The following AGAP1 variants were observed in gnomAD, a reference collection of about 807,000 sequenced individuals.
AGAP1 encodes the protein ArfGAP with GTPase domain, ankyrin repeat and PH domain 1, also known as arf-GAP with GTPase, ANK repeat and PH domain-containing protein 1.
AGAP1 carries 29 observed loss-of-function variants against 105.3 expected under a neutral mutation model. The observed-to-expected ratio is 0.28, with a 90% CI of 0.21 to 0.38. The LOEUF is 0.38. Ranked by LOEUF, AGAP1 falls within the 10% of genes least tolerant of loss-of-function variation. The probability of loss-of-function intolerance (pLI) is 1.00; values close to 1 mark genes in which losing one functional copy is unlikely to be tolerated. For missense variants in AGAP1, 998 were observed against 1,165.1 expected, an observed-to-expected ratio of 0.86 and a Z score of 2.09; for synonymous variants, 509 against 485.9, an observed-to-expected ratio of 1.05 and a Z score of -0.63.
chr2:236,098,620 C>CTTTTTGTTTTTTTTTTTTTTTTTTT (rs1323650327), intron 16 of AGAP1, among the ~76,000 whole-genome samples: 1 of 115,256 alleles, frequency 8.7e-6, no homozygotes, highest in African/African-American at 3.9e-5. Flanking sequence ...TCTTTTTTTC[C>CTTTTTGTTTTTTTTTTTTTTTTTTT]TTTTTTTTTT....
At chr2:235,748,817 G>A (rs914662148) in intron 5 of AGAP1, among the ~76,000 whole-genome samples, 1 of 152,052 alleles carries the variant, frequency 6.6e-6, no homozygotes, top group Non-Finnish European at 1.5e-5. Flanking sequence ...TTTGACTGGT[G>A]GAGAAATCCT....
intron 6 of AGAP1, among the ~76,000 whole-genome samples, chr2:235,767,477 A>G (rs552042965): frequency 9.9e-5 from 15 of 151,008 alleles, no homozygotes; most frequent in Middle Eastern, 3.4e-3. Context: ...CCGTTGACCA[A>G]AGCCATGACC....
intron 16 of AGAP1, among the ~76,000 whole-genome samples, chr2:236,088,876 G>A (rs1310986496): frequency 6.6e-6 from 1 of 152,162 alleles, no homozygotes; most frequent in Non-Finnish European, 1.5e-5. Flanking sequence ...CGAGTGCTCA[G>A]TTGGTATTTC....
chr2:236,085,130 C>T (rs1259481954), intron 16 of AGAP1, among the ~76,000 whole-genome samples: 2 of 147,714 alleles, frequency 1.4e-5, no homozygotes, highest in Non-Finnish European at 3.0e-5. Flanking sequence ...GCAGGAGAAT[C>T]ACGTGAACCC....
intron 11 of AGAP1, among the ~76,000 whole-genome samples, chr2:235,916,811 A>G (rs1035484407): frequency 4.6e-5 from 7 of 152,240 alleles, no homozygotes; most frequent in African/African-American, 1.4e-4. Flanking sequence ...TTCAAATACA[A>G]TAAAGCATTG....
chr2:235,808,189 A>G (rs374155854), intron 9 of AGAP1, among the ~76,000 whole-genome samples: 1 of 152,238 alleles, frequency 6.6e-6, no homozygotes, highest in Non-Finnish European at 1.5e-5. Flanking sequence ...TTTAGAGTGC[A>G]TCCTTCTTGA....
At chr2:235,686,614 G>GAT (rs1380519556) in intron 1 of AGAP1, among the ~76,000 whole-genome samples, 13 of 37,912 alleles carry the variant, frequency 3.4e-4, no homozygotes, top group African/African-American at 5.8e-4. Context: ...TATACGTGGA[G>GAT]ATATAGATAT....
chr2:235,948,452 C>T (rs559600544), intron 12 of AGAP1, among the ~76,000 whole-genome samples: 60 of 152,286 alleles, frequency 3.9e-4, no homozygotes, highest in African/African-American at 1.4e-3. Flanking sequence ...CCCAAAGTCT[C>T]CTGGCATTAT....
chr2:235,795,274 G>C (rs1437333898), intron 6 of AGAP1, among the ~76,000 whole-genome samples: 2 of 152,180 alleles, frequency 1.3e-5, no homozygotes, highest in Admixed American at 1.3e-4. Flanking sequence ...AATTCATTTA[G>C]GGATGTCTTT....
chr2:236,064,647 A>C (rs976878730), intron 16 of AGAP1, among the ~76,000 whole-genome samples: 2 of 152,142 alleles, frequency 1.3e-5, no homozygotes, highest in Non-Finnish European at 2.9e-5. Flanking sequence ...AGGAGCATGG[A>C]AAGAGCCCTC....
At chr2:235,505,973 C>T (rs1339295701) in intron 1 of AGAP1, among the ~76,000 whole-genome samples, 2 of 149,194 alleles carry the variant, frequency 1.3e-5, no homozygotes, top group Non-Finnish European at 3.0e-5. Context: ...CTCTGTCGCC[C>T]AGGCTGGAGT....
rs1272086274 is a variant in AGAP1, at chr2:235,747,421, GTA to G, written c.538+2583_538+2584del. 6.6e-6 allele frequency among the ~76,000 whole-genome samples: 1 copy of G among 152,152 alleles called. No homozygotes were observed. The highest frequency in any genetic ancestry group is 6.5e-5 in the Admixed American group (1 of 15,284). On this transcript the variant is annotated intron_variant, in intron 5 of 17. Coordinates refer to ENST00000304032, the MANE Select transcript of AGAP1 (RefSeq NM_001037131.3). The surrounding 1 kb of genome is among the most constrained non-coding windows in gnomAD (Gnocchi z 5.0). ...CGAGGGTGGCCTCTGGGGTTGGGAG[GTA>G]AGTCAGCCCCACACCCTCCCGGGGT...
At position 235,936,817 on chromosome 2, in the gene AGAP1, T is replaced by C. The variant is rs2125187362; in HGVS notation, c.1483+5894T>C. Among the ~76,000 whole-genome samples, 1 of 152,240 alleles carries C rather than the reference T, an allele frequency of 6.6e-6. No homozygotes were observed. The highest frequency in any genetic ancestry group is 1.5e-5 in the Non-Finnish European group (1 of 68,014). ...CTAACACTCGTTTCCCTGGGGATCA[T>C]CATCTCTGATAACTGAGCTTCCAAA... On this transcript the variant is annotated intron_variant, in intron 12 of 17. Coordinates refer to ENST00000304032, the MANE Select transcript of AGAP1 (RefSeq NM_001037131.3). This position sits in a 1 kb window ranked among gnomAD's most constrained non-coding sequence, Gnocchi z 4.7.
At chr2:235,800,555 A>G (rs1957450338) in intron 8 of AGAP1, among the ~76,000 whole-genome samples, 1 of 152,242 alleles carries the variant, frequency 6.6e-6, no homozygotes, top group South Asian at 2.1e-4. Context: ...CGCAAACTCC[A>G]GGCACAGCTG....
chr2:236,091,373 T>C (rs1181604676), intron 16 of AGAP1, among the ~76,000 whole-genome samples: 1 of 152,254 alleles, frequency 6.6e-6, no homozygotes. Context: ...TTTTAACATT[T>C]AGTTGCCTCT....
chr2:235,798,352 A>C (rs1023735755), intron 7 of AGAP1, among the ~76,000 whole-genome samples: 9 of 152,344 alleles, frequency 5.9e-5, no homozygotes, highest in African/African-American at 2.2e-4. Context: ...ATTTACTTGG[A>C]AGCAAATGAA....
intron 1 of AGAP1, among the ~76,000 whole-genome samples, chr2:235,683,502 A>T (rs942029321): frequency 1.3e-5 from 2 of 150,326 alleles, no homozygotes; most frequent in African/African-American, 2.4e-5. Flanking sequence ...TTAATAAATT[A>T]TACAAATAAA....
chr2:235,760,248 G>A (rs1395990635), intron 6 of AGAP1, among the ~76,000 whole-genome samples: 3 of 152,186 alleles, frequency 2.0e-5, no homozygotes, highest in South Asian at 2.1e-4. Context: ...GCATGGTGGC[G>A]TGTGCCTGTA....
chr2:235,718,455 C>G, intron 3 of AGAP1: 1 of 931,068 alleles, frequency 1.1e-6, no homozygotes, highest in Non-Finnish European at 1.3e-6. Flanking sequence ...AAAGGCACCA[C>G]TTTGTACTGT....
Sources: allele counts gnomAD v4.1 joint callset (sites outside exome capture counted in the v4.1 genomes callset), GRCh38; gene constraint gnomAD v4.1.1; non-coding constraint Gnocchi (gnomAD v3.1); transcripts MANE v1.5; gene names NCBI Gene and HGNC (gene_info 2026-07-23, HGNC 2026-07-21).